TP53BP1: variants seen among roughly 807,000 people sequenced by gnomAD.
The protein encoded by TP53BP1 is TP53-binding protein 1.
A neutral mutation model predicts 200.8 loss-of-function variants in TP53BP1; 61 were observed. The ratio of observed to expected loss-of-function variants is 0.30; its 90% CI spans 0.25 to 0.38. The LOEUF (loss-of-function observed/expected upper bound fraction) is 0.38. Ranked by LOEUF, TP53BP1 falls within the 10% of genes least tolerant of loss-of-function variation. The pLI is 1.00. For synonymous variants in TP53BP1, 822 were observed against 844.3 expected (o/e 0.97, Z 0.46); for missense variants, 2,144 against 2,371.9 (o/e 0.90, Z 2.00).
At chr15:43,495,381 C>T (rs1384274258), upstream of TP53BP1, among the ~76,000 whole-genome samples, 1 of 151,414 alleles carries the variant, frequency 6.6e-6, no homozygotes, top group Non-Finnish European at 1.5e-5. Flanking sequence ...CGCCTGTAGT[C>T]CCAGCTACTC....
At chr15:43,501,434 G>C (rs1370857971) in intron 1 of TP53BP1, among the ~76,000 whole-genome samples, 1 of 151,952 alleles carries the variant, frequency 6.6e-6, no homozygotes, top group African/African-American at 2.4e-5. Flanking sequence ...GGTGGGTCTT[G>C]AACTCCTGGG....
intron 11 of TP53BP1, among the ~76,000 whole-genome samples, chr15:43,461,673 ATT>A (rs113520136): frequency 1.6e-4 from 23 of 145,482 alleles, no homozygotes; most frequent in African/African-American, 2.8e-4. Flanking sequence ...TATACATTAT[ATT>A]TTTTTTTTTT....
At chr15:43,451,739 A>G (rs1222155864) in intron 12 of TP53BP1, among the ~76,000 whole-genome samples, 1 of 152,244 alleles carries the variant, frequency 6.6e-6, no homozygotes, top group African/African-American at 2.4e-5. Flanking sequence ...TTCTAGTTCT[A>G]GATCCCTGAG....
chr15:43,486,347 C>T (rs1186618634), intron 4 of TP53BP1, among the ~76,000 whole-genome samples: 1 of 152,068 alleles, frequency 6.6e-6, no homozygotes, highest in Non-Finnish European at 1.5e-5. Context: ...TTGCACTCTG[C>T]CTGGGCAACA....
intron 10 of TP53BP1, among the ~76,000 whole-genome samples, chr15:43,470,941 A>AC (rs1390337771): frequency 6.6e-6 from 1 of 152,182 alleles, no homozygotes; most frequent in East Asian, 1.9e-4. Flanking sequence ...TCTCAACCTT[A>AC]CCAGTCTACA....
chr15:43,406,585 C>G lies in TP53BP1; in HGVS notation c.*798G>C. ...GCCCACAAAGCCTGAAATATTTACT[C>G]TTTGACCCTTTACAGAAAAAAACCT... is the stretch of plus-strand genomic sequence containing the variant. On this transcript the variant is annotated 3_prime_UTR_variant, in exon 28 of 28. Transcript: ENST00000382044. 1 of 456,020 alleles carries G rather than the reference C, an allele frequency of 2.2e-6. No individual in the cohort carries two copies. Among genetic ancestry groups the G allele is most frequent in the South Asian group, 1.5e-5 (1 of 64,548 alleles). 28.2% of individuals were successfully genotyped at this position (456,020 alleles called of 1,614,324 possible).
chr15:43,406,481 A>G lies in TP53BP1; in HGVS notation c.*902T>C, dbSNP rs1837959. On this transcript the variant is annotated 3_prime_UTR_variant, in exon 28 of 28. Transcript: ENST00000382044. ...TGTACAGTTTTACTGAAACACAGCC[A>G]TGCCCATTTGTTTACTCATTGTCTA... 0.23 allele frequency: 91,828 copies of G among 405,626 alleles called. 16,104 individuals are homozygous for G. The highest frequency in any genetic ancestry group is 0.62 in the African/African-American group (29,928 of 48,326). The allele number at this position is 405,626 out of a possible 1,614,324, so 25.1% of individuals were successfully genotyped here.
In TP53BP1 at chr15:43,412,729, G is replaced by C. The variant is rs1002756581; in HGVS notation, c.5305+390C>G. On this transcript the variant is annotated intron_variant, in intron 24 of 27. Coordinates refer to ENST00000382044, the MANE Select transcript of TP53BP1 (RefSeq NM_001141980.3). ...TAGAACGCAAATGGGGAAGATGGCAGGGCATTCAGACCTGATTGACTTGGA... is the reference window on the plus strand; with the variant it reads ...TAGAACGCAAATGGGGAAGATGGCACGGCATTCAGACCTGATTGACTTGGA... The C allele has an allele frequency of 1.1e-5, 5 of 471,936 alleles. No individual in the cohort carries two copies. The Admixed American group carries it at 1.2e-4, about 11-fold the overall frequency. 29.2% of individuals were successfully genotyped at this position (471,936 alleles called of 1,614,324 possible).
At chr15:43,490,049 G>A (rs1414082319) in intron 4 of TP53BP1, among the ~76,000 whole-genome samples, 2 of 151,776 alleles carry the variant, frequency 1.3e-5, no homozygotes, top group Non-Finnish European at 2.9e-5. Flanking sequence ...AATAGCTGGG[G>A]CTACAGGCAC....
intron 1 of TP53BP1, among the ~76,000 whole-genome samples, chr15:43,500,904 G>C (rs927478005): frequency 2.0e-5 from 3 of 152,038 alleles, no homozygotes; most frequent in Admixed American, 1.3e-4. Context: ...GGCCAGGCAT[G>C]GTGGCTTACA....
intron 14 of TP53BP1, 101 bp from the exon 15 acceptor site, chr15:43,441,684 T>A: frequency 1.4e-6 from 1 of 724,846 alleles, no homozygotes; most frequent in Non-Finnish European, 2.4e-6. Context: ...TTGCAAAAAA[T>A]AACAAAAAGA....
chr15:43,503,432 T>C (rs537557906), intron 1 of TP53BP1, among the ~76,000 whole-genome samples: 3 of 152,150 alleles, frequency 2.0e-5, no homozygotes, highest in South Asian at 4.2e-4. Context: ...CTGAGGCAGG[T>C]GGATTACCTG....
intron 1 of TP53BP1, among the ~76,000 whole-genome samples, chr15:43,501,509 T>A (rs1221662814): frequency 6.6e-6 from 1 of 152,172 alleles, no homozygotes; most frequent in East Asian, 1.9e-4. Context: ...CCACCGTGCT[T>A]GGCCAGTAAT....
intron 18 of TP53BP1, 147 bp from the exon 19 acceptor site, chr15:43,422,273 G>T: frequency 2.0e-6 from 2 of 1,006,332 alleles, no homozygotes; most frequent in Non-Finnish European, 2.8e-6. Flanking sequence ...GGAATGTTCT[G>T]TATCTGTTTT....
intron 11 of TP53BP1, among the ~76,000 whole-genome samples, chr15:43,461,470 G>A (rs1179123546): frequency 3.9e-5 from 6 of 151,924 alleles, no homozygotes; most frequent in Admixed American, 6.6e-5. Context: ...TGCCCACCTC[G>A]AACTCCCAGA....
intron 15 of TP53BP1, 76 bp from the exon 16 acceptor site, chr15:43,438,492 C>G: frequency 1.6e-6 from 2 of 1,270,242 alleles, no homozygotes; most frequent in East Asian, 2.5e-5. Context: ...CTTTTATGCA[C>G]AGAGGAAATA....
At position 43,468,323 on chromosome 15, in the gene TP53BP1, T is replaced by A. The variant is rs757356341; in HGVS notation, c.1389+1535A>T. Among the ~76,000 whole-genome samples the A allele has an allele frequency of 2.0e-5, 3 of 152,136 alleles. No individual in the cohort carries two copies. The East Asian group carries it at 5.8e-4, about 29-fold the overall frequency. On this transcript the variant is annotated intron_variant, in intron 11 of 27. Coordinates refer to ENST00000382044, the MANE Select transcript of TP53BP1 (RefSeq NM_001141980.3). ...ACACTGGGAGGCTGAGAGAGGAGGA[T>A]TGCTTGAGCCCAAGAGTTTAAGAAC...
intron 14 of TP53BP1, among the ~76,000 whole-genome samples, chr15:43,443,558 T>G (rs1190615591): frequency 6.6e-6 from 1 of 151,918 alleles, no homozygotes. Flanking sequence ...CAGGCATGGG[T>G]GGTGGGCGTG....
In TP53BP1 at chr15:43,446,493, C is replaced by A. The variant is rs536274678; in HGVS notation, c.2934G>T (p.Gly978=). The A allele has an allele frequency of 1.7e-5, 27 of 1,614,124 alleles. No homozygotes were observed. The highest frequency in any genetic ancestry group is 5.0e-5 in the Admixed American group (3 of 60,020). ...CCACGTCTGGGGCAGCCCCAGAATC[C>A]CCTTTTCCACTCCCAAGTATGGGAT... ...THDPILGSGK[G]DSGAAPDVDD... is the part of the protein sequence containing the mutation. The change falls in exon 14 of 28, where the codon GGG becomes GGT. Residue 978 remains glycine, a synonymous_variant. Coordinates refer to ENST00000382044, the MANE Select transcript of TP53BP1 (RefSeq NM_001141980.3).
Sources: allele counts gnomAD v4.1 joint callset (sites outside exome capture counted in the v4.1 genomes callset), GRCh38; gene constraint gnomAD v4.1.1; transcripts MANE v1.5; gene names NCBI Gene and HGNC (gene_info 2026-07-23, HGNC 2026-07-21).